Variants in FAT3 observed in about 807,000 individuals in gnomAD.
The protein encoded by FAT3 is FAT atypical cadherin 3.
FAT3 carries 95 observed loss-of-function variants against 310.2 expected under a neutral mutation model. That is an observed-to-expected ratio of 0.31 (90% confidence interval 0.26 to 0.36). The LOEUF (loss-of-function observed/expected upper bound fraction) is 0.36. Ranked by LOEUF, FAT3 falls within the 10% of genes least tolerant of loss-of-function variation. FAT3 has a pLI of 1.00. For missense variants in FAT3, 5,408 were observed against 5,715.6 expected (o/e 0.95, Z 1.74); for synonymous variants, 2,314 against 2,192.9 (o/e 1.06, Z -1.54).
intron 1 of FAT3, chr11:92,335,978 T>C: frequency 2.3e-6 from 1 of 436,718 alleles, no homozygotes; most frequent in African/African-American, 2.0e-5. Flanking sequence ...TAGGTCAGAA[T>C]GGCAGGCAAG....
At chr11:92,645,490 G>GA (rs10655127) in intron 3 of FAT3, among the ~76,000 whole-genome samples, 1,704 of 140,636 alleles carry the variant, frequency 0.012, 21 homozygotes, top group African/African-American at 0.028. Context: ...CTGCTTTTCA[G>GA]AAAAAAAAAA....
intron 2 of FAT3, among the ~76,000 whole-genome samples, chr11:92,365,938 T>TAAAA (rs1400116771): frequency 6.6e-6 from 1 of 152,220 alleles, no homozygotes; most frequent in Non-Finnish European, 1.5e-5. Context: ...TATACTTCTA[T>TAAAA]AAAAGTAAAT....
chr11:92,738,394 T>C (rs1945411579), intron 4 of FAT3, among the ~76,000 whole-genome samples: 1 of 152,178 alleles, frequency 6.6e-6, no homozygotes, highest in South Asian at 2.1e-4. Flanking sequence ...CCTGACTACT[T>C]TTGCACACAG....
chr11:92,652,933 C>A (rs143658306), intron 3 of FAT3, among the ~76,000 whole-genome samples: 1 of 152,092 alleles, frequency 6.6e-6, no homozygotes, highest in Non-Finnish European at 1.5e-5. Context: ...GAAGCCGAGG[C>A]GGGTAGATCA....
intron 22 of FAT3, among the ~76,000 whole-genome samples, chr11:92,872,391 C>T (rs1475383358): frequency 6.6e-6 from 1 of 152,236 alleles, no homozygotes; most frequent in African/African-American, 2.4e-5. Context: ...CTACATGCTC[C>T]ACCCACTGGC....
chr11:92,417,625 A>G (rs893978377), intron 2 of FAT3, among the ~76,000 whole-genome samples: 1 of 152,194 alleles, frequency 6.6e-6, no homozygotes, highest in African/African-American at 2.4e-5. Flanking sequence ...GTGGATCAGA[A>G]CTCAATAGAA....
chr11:92,819,559 G>A (rs557064345), intron 13 of FAT3, among the ~76,000 whole-genome samples: 4 of 152,184 alleles, frequency 2.6e-5, no homozygotes, highest in Non-Finnish European at 4.4e-5. Flanking sequence ...TTAACAGTTT[G>A]GTAATACCTG....
At chr11:92,494,311 G>A (rs1160445617) in intron 2 of FAT3, among the ~76,000 whole-genome samples, 3 of 151,960 alleles carry the variant, frequency 2.0e-5, no homozygotes, top group Non-Finnish European at 4.4e-5. Context: ...ACCGTATCAT[G>A]TGGCTACTAT....
At chr11:92,865,835 G>A (rs926923811) in intron 21 of FAT3, among the ~76,000 whole-genome samples, 1 of 152,230 alleles carries the variant, frequency 6.6e-6, no homozygotes, top group Non-Finnish European at 1.5e-5. Context: ...TTCTTCCTGT[G>A]TGTGATGTCT....
intron 3 of FAT3, among the ~76,000 whole-genome samples, chr11:92,566,446 A>G (rs544163102): frequency 6.6e-6 from 1 of 152,140 alleles, no homozygotes; most frequent in Admixed American, 6.5e-5. Flanking sequence ...AATATCGTGA[A>G]AATGGCCATA....
chr11:92,318,633 A>C (rs1947528886), intron 1 of FAT3, among the ~76,000 whole-genome samples: 1 of 152,220 alleles, frequency 6.6e-6, no homozygotes, highest in Middle Eastern at 3.2e-3. Context: ...CTCAGAGAAC[A>C]CAGGAATCAT....
intron 6 of FAT3, among the ~76,000 whole-genome samples, chr11:92,772,974 A>C (rs1281478344): frequency 5.9e-5 from 9 of 152,306 alleles, no homozygotes; most frequent in Middle Eastern, 3.4e-3. Context: ...TAGTTTTCTA[A>C]AATATGAAAT....
In FAT3 at chr11:92,533,389, G is replaced by A. The variant is rs1005674394; in HGVS notation, c.3607+8441G>A. On this transcript the variant is annotated intron_variant, in intron 3 of 27. Coordinates refer to ENST00000525166, the MANE Select transcript of FAT3 (RefSeq NM_001367949.2). ...GATTTTGAAGCCTTGGGCTAAGTGC[G>A]AACTAGTGCCACCATCCATGATAGG... Among the ~76,000 whole-genome samples, 11 of 152,154 alleles carry A rather than the reference G, an allele frequency of 7.2e-5. No homozygotes were observed. The East Asian group carries it at 1.5e-3, about 21-fold the overall frequency.
intron 3 of FAT3, among the ~76,000 whole-genome samples, chr11:92,676,262 C>G (rs959719337): frequency 1.3e-5 from 2 of 152,164 alleles, no homozygotes; most frequent in African/African-American, 4.8e-5. Flanking sequence ...GTGCTTGTCA[C>G]CTATAATGCT....
chr11:92,738,696 TTCCTGGAAAAGTATG>T (rs1945420561), intron 4 of FAT3, among the ~76,000 whole-genome samples: 1 of 152,220 alleles, frequency 6.6e-6, no homozygotes, highest in Non-Finnish European at 1.5e-5. Flanking sequence ...TAGTTAATTT[TTCCTGGAAAAGTATG>T]TACATTTTTT....
chr11:92,323,805 G>A (rs1259375123), intron 1 of FAT3, among the ~76,000 whole-genome samples: 3 of 152,116 alleles, frequency 2.0e-5, no homozygotes, highest in Non-Finnish European at 4.4e-5. Context: ...CCTAACAAGA[G>A]AGTTAGCTTG....
intron 3 of FAT3, among the ~76,000 whole-genome samples, chr11:92,696,574 T>C (rs551758033): frequency 3.9e-5 from 6 of 152,274 alleles, no homozygotes; most frequent in Non-Finnish European, 7.4e-5. Context: ...GCCCACACCA[T>C]ATTCTCTTTA....
At chr11:92,281,223 A>T (rs995537351) in intron 1 of FAT3, among the ~76,000 whole-genome samples, 1 of 152,150 alleles carries the variant, frequency 6.6e-6, no homozygotes, top group African/African-American at 2.4e-5. Context: ...TACTCTCTGT[A>T]TGTTAAGTGG....
intron 1 of FAT3, among the ~76,000 whole-genome samples, chr11:92,291,690 A>C (rs2134396380): frequency 6.6e-6 from 1 of 152,266 alleles, no homozygotes; most frequent in East Asian, 1.9e-4. Context: ...TCTGATCACC[A>C]AAATCAGAAG....
Sources: allele counts gnomAD v4.1 joint callset (sites outside exome capture counted in the v4.1 genomes callset), GRCh38; gene constraint gnomAD v4.1.1; transcripts MANE v1.5; gene names NCBI Gene and HGNC (gene_info 2026-07-23, HGNC 2026-07-21).